The following KAZN variants were observed in gnomAD, a reference collection of about 807,000 sequenced individuals.
KAZN encodes kazrin, periplakin interacting protein.
In KAZN, 40 loss-of-function variants were observed where a neutral mutation model predicts 87.4. That is an observed-to-expected ratio of 0.46 (90% confidence interval 0.36 to 0.60). KAZN has a LOEUF of 0.60. Among genes scored for constraint, KAZN ranks in the 20% least tolerant of loss-of-function variants. The pLI is 0.00. For missense variants in KAZN, 898 were observed against 1,073.9 expected (o/e 0.84, Z 2.29); for synonymous variants, 466 against 458.3 (o/e 1.02, Z -0.22).
chr1:14,743,591 G>A (rs933594147), intron 1 of KAZN, among the ~76,000 whole-genome samples: 2 of 152,112 alleles, frequency 1.3e-5, no homozygotes, highest in African/African-American at 4.8e-5. Context: ...CAGACATGAT[G>A]AGTCATATAG....
At chr1:14,992,401 G>A (rs866406974) in intron 2 of KAZN, among the ~76,000 whole-genome samples, 5 of 152,178 alleles carry the variant, frequency 3.3e-5, no homozygotes, top group South Asian at 4.1e-4. Flanking sequence ...CCGGGCCAAG[G>A]GTGAGGAGGA....
At chr1:14,027,224 G>A (rs992753709) in intron 1 of KAZN, among the ~76,000 whole-genome samples, 2 of 152,098 alleles carry the variant, frequency 1.3e-5, no homozygotes, top group Admixed American at 6.6e-5. Flanking sequence ...CTTGGTTCTC[G>A]TTTATATTTC....
intron 1 of KAZN, among the ~76,000 whole-genome samples, chr1:14,850,604 C>A (rs1291827394): frequency 6.6e-6 from 1 of 152,198 alleles, no homozygotes; most frequent in Non-Finnish European, 1.5e-5. Flanking sequence ...GGCCATCACA[C>A]GTGTGTTTGC....
intron 2 of KAZN, among the ~76,000 whole-genome samples, chr1:14,308,667 T>G (rs1655090921): frequency 6.6e-6 from 1 of 152,206 alleles, no homozygotes; most frequent in Non-Finnish European, 1.5e-5. Flanking sequence ...AACCTCTCTG[T>G]GCCTGTTTCC....
intron 1 of KAZN, among the ~76,000 whole-genome samples, chr1:13,914,152 G>C (rs755496586): frequency 3.7e-4 from 57 of 152,338 alleles, no homozygotes; most frequent in Admixed American, 2.5e-3. Flanking sequence ...GGAATAGTCA[G>C]GGTACTAAAT....
intron 1 of KAZN, among the ~76,000 whole-genome samples, chr1:14,941,234 G>A (rs1661039807): frequency 2.6e-5 from 4 of 152,022 alleles, no homozygotes; most frequent in Admixed American, 2.6e-4. Context: ...CACCTTTTCT[G>A]TAGCCTGCCC....
intron 2 of KAZN, among the ~76,000 whole-genome samples, chr1:14,290,647 T>A (rs1424807112): frequency 6.6e-6 from 1 of 152,198 alleles, no homozygotes. Flanking sequence ...TGGAGAAGTT[T>A]GTTATTACCG....
chr1:14,006,895 G>A (rs1353635825), intron 1 of KAZN, among the ~76,000 whole-genome samples: 2 of 152,146 alleles, frequency 1.3e-5, no homozygotes, highest in Non-Finnish European at 2.9e-5. Flanking sequence ...GATAGAGAAT[G>A]CAGTGGGTCT....
chr1:15,087,247 TGAC>T (rs1364900811), intron 8 of KAZN, among the ~76,000 whole-genome samples: 1 of 152,192 alleles, frequency 6.6e-6, no homozygotes, highest in Non-Finnish European at 1.5e-5. Flanking sequence ...ACAGGTGACA[TGAC>T]TTTTAATAAT....
At chr1:14,867,960 C>T (rs956596862) in intron 1 of KAZN, among the ~76,000 whole-genome samples, 4 of 152,144 alleles carry the variant, frequency 2.6e-5, no homozygotes, top group Non-Finnish European at 5.9e-5. Context: ...CACAGCATTG[C>T]ATAGGCAGGC....
intron 1 of KAZN, among the ~76,000 whole-genome samples, chr1:14,146,455 G>A (rs1453790054): frequency 6.9e-6 from 1 of 144,418 alleles, no homozygotes; most frequent in Non-Finnish European, 1.5e-5. Flanking sequence ...AGAATTGTTT[G>A]AACCTGGGAG....
At chr1:14,148,101 G>C (rs935871328) in intron 1 of KAZN, among the ~76,000 whole-genome samples, 1 of 151,266 alleles carries the variant, frequency 6.6e-6, no homozygotes, top group Non-Finnish European at 1.5e-5. Context: ...GGCACCTGTG[G>C]TCCCAGCAGA....
intron 3 of KAZN, among the ~76,000 whole-genome samples, chr1:15,036,223 T>A (rs1303310633): frequency 6.0e-5 from 2 of 33,060 alleles, no homozygotes; most frequent in Non-Finnish European, 1.2e-4. Flanking sequence ...TGCCTACCTC[T>A]CCCCCCATCC....
Position 14,981,564 on chromosome 1 carries a change from T to C in KAZN, c.418+20689T>C, listed in dbSNP as rs554821920. 5.3e-5 allele frequency among the ~76,000 whole-genome samples: 8 copies of C among 152,378 alleles called. No individual in the cohort carries two copies. The South Asian group carries it at 1.7e-3, about 32-fold the overall frequency. ...ATGCAACCCCATCTCTGGGGGGTTA[T>C]AGCCCTGTGGCAGGTTTGCTGCGGA... is the stretch of plus-strand genomic sequence containing the variant. On this transcript the variant is annotated intron_variant, in intron 2 of 14. Coordinates refer to ENST00000376030, the MANE Select transcript of KAZN (RefSeq NM_201628.3).
chr1:14,692,368 C>A, intron 1 of KAZN: 1 of 329,230 alleles, frequency 3.0e-6, no homozygotes, highest in Non-Finnish European at 5.6e-6. Context: ...TATTTTGCTT[C>A]TTTTCCATAC....
At chr1:14,846,294 T>C (rs926050063) in intron 1 of KAZN, among the ~76,000 whole-genome samples, 2 of 152,158 alleles carry the variant, frequency 1.3e-5, no homozygotes, top group African/African-American at 4.8e-5. Flanking sequence ...TATTTGACTA[T>C]GGAGCTTTTT....
chr1:14,193,854 A>G (rs1487350292), intron 2 of KAZN, among the ~76,000 whole-genome samples: 1 of 152,068 alleles, frequency 6.6e-6, no homozygotes, highest in Admixed American at 6.5e-5. Context: ...AGGGTCCTCT[A>G]AGAGCCCAGG....
At chr1:14,093,150 A>G (rs921167198) in intron 1 of KAZN, among the ~76,000 whole-genome samples, 1 of 152,028 alleles carries the variant, frequency 6.6e-6, no homozygotes, top group Non-Finnish European at 1.5e-5. Flanking sequence ...CCCTCGCCAC[A>G]TGTCTCTGTG....
At chr1:14,154,953 T>TCTTCCTTCCTTCCTTCCTTCATTC (rs1645558153) in intron 1 of KAZN, among the ~76,000 whole-genome samples, 3 of 134,794 alleles carry the variant, frequency 2.2e-5, no homozygotes, top group Non-Finnish European at 4.6e-5. Flanking sequence ...TTGTAGTTTT[T>TCTTCCTTCCTTCCTTCCTTCATTC]CTTCCTTCCT....
Sources: allele counts gnomAD v4.1 joint callset (sites outside exome capture counted in the v4.1 genomes callset), GRCh38; gene constraint gnomAD v4.1.1; transcripts MANE v1.5; gene names NCBI Gene and HGNC (gene_info 2026-07-23, HGNC 2026-07-21).